Variants in FXYD6 observed in about 807,000 individuals in gnomAD.
FXYD6 encodes FXYD domain-containing ion transport regulator 6.
A neutral mutation model predicts 16.7 loss-of-function variants in FXYD6; 7 were observed. That is an observed-to-expected ratio of 0.42 (90% CI 0.24 to 0.79). FXYD6 has a LOEUF of 0.79. Ranked by LOEUF, FXYD6 falls within the 30% of genes least tolerant of loss-of-function variation. The pLI, the probability that FXYD6 is intolerant of heterozygous loss-of-function variation, is 0.28. For missense variants in FXYD6, 111 were observed against 116.2 expected (o/e 0.95, Z 0.21); for synonymous variants, 49 against 43.0 (o/e 1.14, Z -0.54).
chr11:117,852,792 C>A (rs976239974), intron 1 of FXYD6, among the ~76,000 whole-genome samples: 1 of 152,358 alleles, frequency 6.6e-6, no homozygotes, highest in South Asian at 2.1e-4. Context: ...TTCTCCATAT[C>A]GCTTAACTGC....
intron 1 of FXYD6, among the ~76,000 whole-genome samples, chr11:117,852,247 T>C (rs1170777412): frequency 1.3e-5 from 2 of 152,246 alleles, no homozygotes; most frequent in African/African-American, 4.8e-5. Flanking sequence ...GGTATGATGC[T>C]GAAGCAGAAA....
In FXYD6 at chr11:117,849,744, TGGTAGCTGAAGGCCTC is replaced by T. The variant is rs566438466; in HGVS notation, c.-5-6979_-5-6964del. On this transcript the variant is annotated intron_variant, in intron 1 of 7. Coordinates refer to ENST00000526014, the MANE Select transcript of FXYD6 (RefSeq NM_022003.4). ...CCTTTTTCCATGAAGCTGAAGGCCG[TGGTAGCTGAAGGCCTC>T]GGTAGCTGAAGGCCTCGCCACTGCA... 6.1e-3 allele frequency among the ~76,000 whole-genome samples: 927 copies of T among 152,230 alleles called. 9 individuals are homozygous for T. Among genetic ancestry groups the T allele is most frequent in the African/African-American group, 0.022 (895 of 41,524 alleles).
intron 7 of FXYD6, 57 bp downstream of exon 7, chr11:117,839,724 G>C (rs2056292343): frequency 1.9e-6 from 3 of 1,607,482 alleles, no homozygotes; most frequent in East Asian, 4.5e-5. Context: ...CCCCTGTCCA[G>C]GCCCTGATGC....
intron 1 of FXYD6, among the ~76,000 whole-genome samples, chr11:117,855,294 C>A (rs1482749475): frequency 5.3e-5 from 8 of 152,218 alleles, no homozygotes; most frequent in African/African-American, 1.9e-4. Context: ...GCTGTCCCAG[C>A]CTGGGCTACA....
intron 1 of FXYD6, among the ~76,000 whole-genome samples, chr11:117,875,707 G>A (rs896821476): frequency 6.6e-6 from 1 of 152,138 alleles, no homozygotes; most frequent in African/African-American, 2.4e-5. Flanking sequence ...GCACACTGGT[G>A]GGGAGAAGCC....
intron 1 of FXYD6, among the ~76,000 whole-genome samples, chr11:117,871,537 C>T (rs925087456): frequency 1.5e-4 from 23 of 152,150 alleles, no homozygotes; most frequent in Admixed American, 3.9e-4. Context: ...AGGACATTCA[C>T]GGTATATGAG....
In FXYD6 at chr11:117,872,027, T is replaced by G. The variant is rs138858433; in HGVS notation, c.-6+4565A>C. Reference sequence around the variant, plus strand: ...CGCTGAGCCTGGAGTGCCTACACCATGTACCTGTGCTTATTAATAGGCACT... The same window carrying G: ...CGCTGAGCCTGGAGTGCCTACACCAGGTACCTGTGCTTATTAATAGGCACT... On this transcript the variant is annotated intron_variant, in intron 1 of 7. Coordinates refer to ENST00000526014, the MANE Select transcript of FXYD6 (RefSeq NM_022003.4). This position sits in a 1 kb window ranked among gnomAD's most constrained non-coding sequence, Gnocchi z 4.9. Among the ~76,000 whole-genome samples the G allele has an allele frequency of 6.6e-6, 1 of 152,176 alleles. No individual in the cohort carries two copies. The highest frequency in any genetic ancestry group is 2.4e-5 in the African/African-American group (1 of 41,436).
At position 117,870,837 on chromosome 11, in the gene FXYD6, C is replaced by A. The variant is rs1393492777; in HGVS notation, c.-6+5755G>T. Among the ~76,000 whole-genome samples, 3 of 152,156 alleles carry A rather than the reference C, an allele frequency of 2.0e-5. No individual in the cohort carries two copies. The highest frequency in any genetic ancestry group is 4.4e-5 in the Non-Finnish European group (3 of 68,026). The stretch of plus-strand genomic sequence containing the variant: ...CATGTAGGGCTGTCACCAGTGTATG[C>A]CCCCATCACACCATAGCTCCCTGGG... On this transcript the variant is annotated intron_variant, in intron 1 of 7. Coordinates refer to ENST00000526014, the MANE Select transcript of FXYD6 (RefSeq NM_022003.4). The surrounding 1 kb of genome is among the most constrained non-coding windows in gnomAD (Gnocchi z 4.2).
intron 1 of FXYD6, among the ~76,000 whole-genome samples, chr11:117,856,195 G>C (rs937262636): frequency 6.6e-6 from 1 of 152,054 alleles, no homozygotes; most frequent in Non-Finnish European, 1.5e-5. Context: ...CTTAATTGCT[G>C]GGTAAAAACT....
At position 117,858,637 on chromosome 11, in the gene FXYD6, TTCTTTC is replaced by T. The variant is rs1395227785; in HGVS notation, c.-5-15862_-5-15857del. On this transcript the variant is annotated intron_variant, in intron 1 of 7. Transcript: ENST00000526014. ...GATTCTGCTTCATTTTCTTTTTTCT[TTCTTTC>T]TTTCTTTCTTTCTTTCTTTCTTTCT... is the stretch of plus-strand genomic sequence containing the variant. Among the ~76,000 whole-genome samples, 7 of 20,594 alleles carry T rather than the reference TTCTTTC, an allele frequency of 3.4e-4. No homozygotes were observed. In the East Asian group the frequency reaches 0.011, roughly 31 times the overall value. The allele number at this position is 20,594 out of a possible 152,430, so 13.5% of individuals were successfully genotyped here.
rs112494841 is a variant in FXYD6, at chr11:117,841,443, A to T, written c.173-259T>A. On this transcript the variant is annotated intron_variant, in intron 4 of 7. Transcript: ENST00000526014. Reference sequence around the variant, plus strand: ...AGAGGGATCTGTGCAGATCAGGCTCATGTGGGAACAACAAACTCGGAGGCA... The same window carrying T: ...AGAGGGATCTGTGCAGATCAGGCTCTTGTGGGAACAACAAACTCGGAGGCA... The T allele has an allele frequency of 1.0e-3, 617 of 591,036 alleles. 11 individuals are homozygous for T. The highest frequency in any genetic ancestry group is 0.01 in the African/African-American group (560 of 53,766). 36.6% of individuals were successfully genotyped at this position (591,036 alleles called of 1,614,324 possible).
In FXYD6 at chr11:117,838,212, G is replaced by C; in HGVS notation, c.*87C>G. The C allele has an allele frequency of 1.4e-6, 1 of 702,578 alleles. No individual in the cohort carries two copies. The highest frequency in any genetic ancestry group is 1.5e-5 in the South Asian group (1 of 67,592). The allele number at this position is 702,578 out of a possible 1,614,324, so 43.5% of individuals were successfully genotyped here. A position where few individuals can be genotyped will look rare whatever the true frequency, so the allele number is the denominator to read the frequency against. ...CTGGGGAAAGGGCTGTTGCTGAAGT[G>C]GCCGGTTTTCTTAAGCATCGACATT... On this transcript the variant is annotated 3_prime_UTR_variant, in exon 8 of 8. Transcript: ENST00000526014.
chr11:117,867,121 G>A (rs907184990), intron 1 of FXYD6, among the ~76,000 whole-genome samples: 4 of 152,172 alleles, frequency 2.6e-5, no homozygotes, highest in Admixed American at 2.0e-4. Context: ...GGAGAAATTG[G>A]GGGAGAAAGA....
chr11:117,844,390 C>T (rs528633507), intron 1 of FXYD6, among the ~76,000 whole-genome samples: 2 of 152,278 alleles, frequency 1.3e-5, no homozygotes, highest in East Asian at 3.9e-4. Context: ...GGAAATGGAG[C>T]TTTACAAAGA....
chr11:117,862,045 CAGCAGGAGAGG>C (rs1271856590), intron 1 of FXYD6, among the ~76,000 whole-genome samples: 1 of 152,162 alleles, frequency 6.6e-6, no homozygotes, highest in Non-Finnish European at 1.5e-5. Flanking sequence ...GGACATGAGG[CAGCAGGAGAGG>C]AGAGAAAACC....
At chr11:117,859,181 C>T (rs889216837) in intron 1 of FXYD6, among the ~76,000 whole-genome samples, 7 of 152,234 alleles carry the variant, frequency 4.6e-5, no homozygotes, top group African/African-American at 1.2e-4. Context: ...GCAAGACCCC[C>T]GCCCCAAGCC....
Position 117,839,820 on chromosome 11 carries a change from G to A in FXYD6, c.270C>T (p.Pro90=), listed in dbSNP as rs1227189846. 1.4e-5 allele frequency: 22 copies of A among 1,614,026 alleles called. No homozygotes were observed. The highest frequency in any genetic ancestry group is 1.9e-5 in the Non-Finnish European group (22 of 1,180,006). ...ENLITANATE[P]QKAEN is the part of the protein sequence containing the mutation. ...CTGCACTTCAGTTCTCTGCTTTCTG[G>A]GGCTCTGTTGCTGGAAAGAAAACCA... Residue 90 remains proline, a synonymous_variant, in exon 7 of 8, where the codon CCC becomes CCT. Coordinates refer to ENST00000526014, the MANE Select transcript of FXYD6 (RefSeq NM_022003.4).
At chr11:117,874,219 A>G (rs1368795793) in intron 1 of FXYD6, among the ~76,000 whole-genome samples, 1 of 152,122 alleles carries the variant, frequency 6.6e-6, no homozygotes, top group African/African-American at 2.4e-5. Flanking sequence ...CAATTAATAC[A>G]CAGTAGACAC....
intron 7 of FXYD6, 81 bp downstream of exon 7, chr11:117,839,700 C>A (rs1186763086): frequency 1.3e-6 from 2 of 1,565,530 alleles, no homozygotes; most frequent in African/African-American, 1.4e-5. Flanking sequence ...CTAGCCCCAT[C>A]CTTCCCGCCT....
Sources: allele counts gnomAD v4.1 joint callset (sites outside exome capture counted in the v4.1 genomes callset), GRCh38; gene constraint gnomAD v4.1.1; non-coding constraint Gnocchi (gnomAD v3.1); transcripts MANE v1.5; gene names NCBI Gene and HGNC (gene_info 2026-07-23, HGNC 2026-07-21).